FBXW11: variants seen among roughly 807,000 people sequenced by gnomAD.
FBXW11 encodes the protein F-box and WD repeat domain containing 11.
In FBXW11, 19 loss-of-function variants were observed where a neutral mutation model predicts 77.6. The ratio of observed to expected loss-of-function variants is 0.24; its 90% confidence interval spans 0.17 to 0.36. The LOEUF (loss-of-function observed/expected upper bound fraction) is 0.36. FBXW11 is among the 10% of genes least tolerant of loss of function. The probability of loss-of-function intolerance (pLI) is 1.00; values close to 1 mark genes in which losing one functional copy is unlikely to be tolerated. For missense variants in FBXW11, 334 were observed against 704.2 expected (o/e 0.47, Z 5.95); for synonymous variants, 235 against 249.4 (o/e 0.94, Z 0.54).
At chr5:171,970,906 C>T (rs1025440579) in intron 1 of FBXW11, among the ~76,000 whole-genome samples, 2 of 152,178 alleles carry the variant, frequency 1.3e-5, no homozygotes, top group Non-Finnish European at 2.9e-5. Flanking sequence ...ATTAATTTGT[C>T]TTTCAGGCAG....
intron 2 of FBXW11, among the ~76,000 whole-genome samples, chr5:171,955,010 T>C (rs541274009): frequency 3.3e-5 from 5 of 152,170 alleles, no homozygotes; most frequent in Non-Finnish European, 5.9e-5. Flanking sequence ...TCAGACTCAG[T>C]TTCCATATCA....
At chr5:171,981,358 G>A (rs1464380096) in intron 1 of FBXW11, among the ~76,000 whole-genome samples, 1 of 152,116 alleles carries the variant, frequency 6.6e-6, no homozygotes, top group Non-Finnish European at 1.5e-5. Flanking sequence ...TGTAAGTAAA[G>A]TATTTCCCTG....
intron 1 of FBXW11, among the ~76,000 whole-genome samples, chr5:171,964,221 C>A (rs956055499): frequency 2.0e-5 from 3 of 152,206 alleles, no homozygotes; most frequent in Non-Finnish European, 4.4e-5. Flanking sequence ...CAGTCTAGGT[C>A]CTTTTTTCTC....
At chr5:171,887,009 ACT>A in intron 7 of FBXW11, among the ~76,000 whole-genome samples, 1 of 152,034 alleles carries the variant, frequency 6.6e-6, no homozygotes. Context: ...ACAGAGCGAG[ACT>A]CTGTCTCAAA....
intron 1 of FBXW11, among the ~76,000 whole-genome samples, chr5:171,992,423 T>C (rs1008898516): frequency 1.4e-5 from 2 of 139,810 alleles, no homozygotes; most frequent in East Asian, 2.1e-4. Flanking sequence ...TGAGACTCTG[T>C]GAAAGAAAAA....
chr5:171,932,847 C>T (rs898090902), intron 2 of FBXW11, among the ~76,000 whole-genome samples: 20 of 149,226 alleles, frequency 1.3e-4, no homozygotes, highest in African/African-American at 5.0e-4. Context: ...GGGCCAGGCA[C>T]AGTGGCTCAT....
At chr5:171,900,206 A>G in intron 4 of FBXW11, 106 bp from the exon 5 acceptor site, 1 of 974,022 alleles carries the variant, frequency 1.0e-6, no homozygotes, top group South Asian at 1.8e-5. Context: ...ACCAAGTAAA[A>G]TATTTTAGTC....
At chr5:171,917,125 T>C (rs191142911) in intron 2 of FBXW11, among the ~76,000 whole-genome samples, 116 of 152,254 alleles carry the variant, frequency 7.6e-4, no homozygotes, top group African/African-American at 2.7e-3. Context: ...TTCACCATGT[T>C]GGCCAGGATG....
At chr5:171,980,055 C>T (rs1056664277) in intron 1 of FBXW11, among the ~76,000 whole-genome samples, 3 of 152,204 alleles carry the variant, frequency 2.0e-5, no homozygotes, top group African/African-American at 7.2e-5. Context: ...GAGGAACAGG[C>T]TATGACCTAA....
intron 2 of FBXW11, among the ~76,000 whole-genome samples, chr5:171,945,282 G>A (rs1307313548): frequency 1.3e-5 from 2 of 152,192 alleles, no homozygotes; most frequent in Admixed American, 6.5e-5. Context: ...CATTCCTATT[G>A]CGTAATTGAC....
intron 2 of FBXW11, among the ~76,000 whole-genome samples, chr5:171,926,302 G>C (rs1761885347): frequency 6.6e-6 from 1 of 152,182 alleles, no homozygotes; most frequent in South Asian, 2.1e-4. Context: ...ACAAAACTGA[G>C]GTGAAAACAG....
chr5:171,870,813 T>A lies in FBXW11; in HGVS notation c.1386A>T (p.Gly462=). The A allele has an allele frequency of 1.2e-6, 2 of 1,614,012 alleles. No individual in the cohort carries two copies. The highest frequency in any genetic ancestry group is 1.7e-6 in the Non-Finnish European group (2 of 1,179,876). The change falls in exon 11 of 14, where the codon GGA becomes GGT. Residue 462 remains glycine (G), a synonymous_variant. Coordinates refer to ENST00000517395, the MANE Select transcript of FBXW11 (RefSeq NM_001378974.1). ...ECGACLRVLE[G]HEELVRCIRF... is the part of the protein sequence containing the mutation. ...GGATGCATCGGACCAATTCTTCATG[T>A]CCCTCTAGGACTCTTAAACAGGCAC...
At chr5:171,913,808 CA>C (rs1561677583) in intron 3 of FBXW11, among the ~76,000 whole-genome samples, 4 of 134,118 alleles carry the variant, frequency 3.0e-5, no homozygotes, top group Non-Finnish European at 6.7e-5. Flanking sequence ...AACCCCCAAC[CA>C]CACACACATA....
chr5:171,975,808 G>GATT (rs1229540301), intron 1 of FBXW11, among the ~76,000 whole-genome samples: 1 of 152,134 alleles, frequency 6.6e-6, no homozygotes, highest in Non-Finnish European at 1.5e-5. Flanking sequence ...GAATAAAAGG[G>GATT]ATTAGGGCGA....
intron 2 of FBXW11, among the ~76,000 whole-genome samples, chr5:171,953,504 A>G (rs368437410): frequency 6.7e-6 from 1 of 150,340 alleles, no homozygotes; most frequent in Admixed American, 6.6e-5. Context: ...CTGAACAAAA[A>G]CAGCCTTATC....
intron 10 of FBXW11, 36 bp from the exon 11 acceptor site, chr5:171,870,894 CCACA>C: frequency 6.9e-7 from 1 of 1,454,982 alleles, no homozygotes; most frequent in East Asian, 2.3e-5. Context: ...AAACAAATTC[CCACA>C]CACGATTCAC....
At chr5:171,960,113 C>T (rs951363315) in intron 1 of FBXW11, among the ~76,000 whole-genome samples, 30 of 152,278 alleles carry the variant, frequency 2.0e-4, no homozygotes, top group Admixed American at 2.0e-3. Context: ...AGGTGGCTCA[C>T]GCCTATAGCC....
chr5:171,970,636 T>G (rs560661717), intron 1 of FBXW11, among the ~76,000 whole-genome samples: 1 of 152,214 alleles, frequency 6.6e-6, no homozygotes, highest in Non-Finnish European at 1.5e-5. Context: ...TCCAAGTTAG[T>G]AGTGTTTTAA....
At chr5:171,924,612 G>A (rs921838340) in intron 2 of FBXW11, among the ~76,000 whole-genome samples, 7 of 152,154 alleles carry the variant, frequency 4.6e-5, no homozygotes, top group Non-Finnish European at 7.3e-5. Context: ...GTAAAACGCT[G>A]TAATACTGTA....
Sources: allele counts gnomAD v4.1 joint callset (sites outside exome capture counted in the v4.1 genomes callset), GRCh38; gene constraint gnomAD v4.1.1; transcripts MANE v1.5; gene names NCBI Gene and HGNC (gene_info 2026-07-23, HGNC 2026-07-21).